DCDC1: variants seen among roughly 807,000 people sequenced by gnomAD.
DCDC1 encodes doublecortin domain-containing protein 1.
Under a neutral mutation model 178.3 loss-of-function variants are expected in DCDC1, and 200 were observed. The observed-to-expected ratio is 1.12, with a 90% CI of 1.00 to 1.26. The LOEUF is 1.26. DCDC1 is among the 50% of genes most tolerant of loss of function. DCDC1 has a pLI of 0.00. For missense variants in DCDC1, 1,983 were observed against 1,749.2 expected (o/e 1.13, Z -2.38); for synonymous variants, 690 against 604.8 (o/e 1.14, Z -2.07).
intron 3 of DCDC1, among the ~76,000 whole-genome samples, chr11:31,312,112 T>TAG (rs2137664050): frequency 6.6e-6 from 1 of 152,210 alleles, no homozygotes; most frequent in Non-Finnish European, 1.5e-5. Flanking sequence ...TAAGGAGTCT[T>TAG]CTCTCAACAG....
intron 20 of DCDC1, among the ~76,000 whole-genome samples, chr11:31,018,483 T>G (rs1413388610): frequency 1.3e-5 from 2 of 152,214 alleles, no homozygotes; most frequent in South Asian, 4.1e-4. Flanking sequence ...CCTCACAGGT[T>G]CGTCCTTTTA....
intron 9 of DCDC1, among the ~76,000 whole-genome samples, chr11:31,218,159 T>C (rs2136639795): frequency 6.6e-6 from 1 of 151,850 alleles, no homozygotes; most frequent in East Asian, 1.9e-4. Context: ...GCAGAAAATA[T>C]AATTACAGAT....
At chr11:31,177,089 G>T (rs1408748085) in intron 9 of DCDC1, among the ~76,000 whole-genome samples, 2 of 151,904 alleles carry the variant, frequency 1.3e-5, no homozygotes, top group Non-Finnish European at 2.9e-5. Context: ...AATAATAACA[G>T]CTACAATTAA....
chr11:31,146,012 T>G (rs1964407306), intron 9 of DCDC1, among the ~76,000 whole-genome samples: 1 of 151,986 alleles, frequency 6.6e-6, no homozygotes. Flanking sequence ...TCTCACCCAC[T>G]GGATAATGGG....
At position 30,888,098 on chromosome 11, in the gene DCDC1, A is replaced by AAAAGAAAGAAAGAAAG. The variant is rs59770180; in HGVS notation, c.5082+4704_5082+4719dup. The stretch of plus-strand genomic sequence containing the variant: ...AGAGAGAGAGAGAAAGAAAGAAAGA[A>AAAAGAAAGAAAGAAAG]AAAGAAAGAAAGAAAGAAAGAAAGA... On this transcript the variant is annotated intron_variant, in intron 36 of 38. Coordinates refer to ENST00000684477, the MANE Select transcript of DCDC1 (RefSeq NM_001387274.1). Among the ~76,000 whole-genome samples, 52 of 105,500 alleles carry AAAAGAAAGAAAGAAAG rather than the reference A, an allele frequency of 4.9e-4. 1 individual carries two copies. The Middle Eastern group carries it at 0.017, about 35-fold the overall frequency. The allele number at this position is 105,500 out of a possible 152,430, so 69.2% of individuals were successfully genotyped here.
At chr11:31,295,809 G>A (rs749080403) in intron 6 of DCDC1, among the ~76,000 whole-genome samples, 24 of 151,972 alleles carry the variant, frequency 1.6e-4, no homozygotes, top group Non-Finnish European at 2.6e-4. Flanking sequence ...CCTGAGACGC[G>A]GTAAAGGAAG....
At chr11:31,244,082 T>C (rs1239368096) in intron 8 of DCDC1, among the ~76,000 whole-genome samples, 1 of 151,734 alleles carries the variant, frequency 6.6e-6, no homozygotes, top group Admixed American at 6.6e-5. Flanking sequence ...AAGAAAATGA[T>C]ACGCCTAAGT....
chr11:30,873,987 TTA>T (rs1169505667), intron 38 of DCDC1, among the ~76,000 whole-genome samples: 2 of 152,180 alleles, frequency 1.3e-5, no homozygotes, highest in Non-Finnish European at 2.9e-5. Flanking sequence ...CTCTGGGTGG[TTA>T]TATCTGACTC....
At chr11:31,194,223 C>G (rs147352174) in intron 9 of DCDC1, among the ~76,000 whole-genome samples, 18 of 152,088 alleles carry the variant, frequency 1.2e-4, no homozygotes, top group Non-Finnish European at 2.5e-4. Flanking sequence ...GACAAGATTA[C>G]TTCTTGTTGT....
intron 9 of DCDC1, among the ~76,000 whole-genome samples, chr11:31,199,673 T>C (rs1316029518): frequency 6.6e-6 from 1 of 152,040 alleles, no homozygotes; most frequent in Admixed American, 6.6e-5. Context: ...ATTAATGGAT[T>C]GTGAAAAAGC....
At chr11:31,138,176 A>T (rs1371380449) in intron 9 of DCDC1, among the ~76,000 whole-genome samples, 1 of 152,180 alleles carries the variant, frequency 6.6e-6, no homozygotes, top group Non-Finnish European at 1.5e-5. Context: ...TTATGTCGGG[A>T]TAAGAAGTCA....
chr11:30,984,604 C>T (rs979452507), intron 20 of DCDC1, among the ~76,000 whole-genome samples: 1 of 152,176 alleles, frequency 6.6e-6, no homozygotes, highest in Non-Finnish European at 1.5e-5. Flanking sequence ...CTGGACATTT[C>T]ATATCCTCAA....
At chr11:30,996,081 C>A (rs552065913) in intron 20 of DCDC1, among the ~76,000 whole-genome samples, 3 of 151,934 alleles carry the variant, frequency 2.0e-5, no homozygotes, top group African/African-American at 7.3e-5. Flanking sequence ...AAGAAACAAC[C>A]CAATTTTAAA....
chr11:30,937,943 C>T (rs1947378618), intron 21 of DCDC1, among the ~76,000 whole-genome samples: 1 of 152,126 alleles, frequency 6.6e-6, no homozygotes, highest in African/African-American at 2.4e-5. Context: ...CTCAAGCAGC[C>T]TGATCCTAAA....
intron 38 of DCDC1, among the ~76,000 whole-genome samples, chr11:30,868,740 C>T (rs1941256725): frequency 1.3e-5 from 2 of 152,164 alleles, no homozygotes. Context: ...CAGTCTGGGT[C>T]ACCTCTATGC....
rs566575113 is a variant in DCDC1 at position 31,321,621 on chromosome 11, CGCTCACGCTGGGA to C, written c.164+6483_164+6495del. 3.9e-3 allele frequency among the ~76,000 whole-genome samples: 595 copies of C among 152,242 alleles called. 4 individuals are homozygous for C. Among genetic ancestry groups the C allele is most frequent in the Non-Finnish European group, 6.5e-3 (439 of 68,010 alleles). Reference sequence around the variant, plus strand: ...TGCAGAAATCACCCGTCTTCTGCGTCGCTCACGCTGGGAGCTGTAGACCGGAGCTGTTCCTATT... The same window carrying C: ...TGCAGAAATCACCCGTCTTCTGCGTCGCTGTAGACCGGAGCTGTTCCTATT... On this transcript the variant is annotated intron_variant, in intron 3 of 38. Transcript: ENST00000684477.
chr11:31,067,601 G>A (rs1956320356), intron 18 of DCDC1, among the ~76,000 whole-genome samples: 1 of 151,984 alleles, frequency 6.6e-6, no homozygotes, highest in Non-Finnish European at 1.5e-5. Flanking sequence ...AATATTCATA[G>A]CAACATTATT....
At chr11:31,073,192 C>T (rs952920119) in intron 18 of DCDC1, among the ~76,000 whole-genome samples, 1 of 152,070 alleles carries the variant, frequency 6.6e-6, no homozygotes, top group African/African-American at 2.4e-5. Context: ...GTAAAAATAT[C>T]AGTGATTGTG....
chr11:31,350,286 T>A (rs925769731), intron 1 of DCDC1, among the ~76,000 whole-genome samples: 2 of 152,112 alleles, frequency 1.3e-5, no homozygotes, highest in African/African-American at 4.8e-5. Flanking sequence ...ATTCAATTTT[T>A]AAAAATTATA....
Sources: gnomAD v4.1 joint callset for allele counts (sites outside exome capture counted in the v4.1 genomes callset) on GRCh38, gnomAD v4.1.1 for gene constraint, MANE v1.5 for transcripts, NCBI Gene and HGNC (gene_info 2026-07-23, HGNC 2026-07-21) for gene names.